GRIK4: variants seen among roughly 807,000 people sequenced by gnomAD.
GRIK4 encodes the protein glutamate ionotropic receptor kainate type subunit 4.
A neutral mutation model predicts 104.9 loss-of-function variants in GRIK4; 40 were observed. The observed-to-expected ratio is 0.38, with a 90% CI of 0.30 to 0.50. The LOEUF is 0.50. Among genes scored for constraint, GRIK4 ranks in the 20% least tolerant of loss-of-function variants. The pLI, the probability that GRIK4 is intolerant of heterozygous loss-of-function variation, is 0.93. For synonymous variants in GRIK4, 485 were observed against 524.9 expected (o/e 0.92, Z 1.04); for missense variants, 1,047 against 1,308.1 (o/e 0.80, Z 3.08).
At chr11:120,843,772 T>C (rs1376441614) in intron 8 of GRIK4, among the ~76,000 whole-genome samples, 1 of 152,192 alleles carries the variant, frequency 6.6e-6, no homozygotes, top group Admixed American at 6.5e-5. Context: ...TTGGACCTGT[T>C]TCATCCTATA....
chr11:120,660,952 C>T (rs1949803700), intron 3 of GRIK4, among the ~76,000 whole-genome samples: 1 of 152,124 alleles, frequency 6.6e-6, no homozygotes, highest in Non-Finnish European at 1.5e-5. Flanking sequence ...CTGTGGGACG[C>T]CCACTTTAGG....
intron 14 of GRIK4, among the ~76,000 whole-genome samples, chr11:120,945,697 A>G (rs1008413326): frequency 1.1e-4 from 16 of 152,264 alleles, no homozygotes; most frequent in African/African-American, 3.4e-4. Context: ...CTTGAGAACA[A>G]ACAGAAGTGG....
chr11:120,872,156 A>G (rs2135672145), intron 9 of GRIK4: 1 of 331,234 alleles, frequency 3.0e-6, no homozygotes, highest in East Asian at 7.7e-5. Flanking sequence ...TGACGCTGGC[A>G]GTTTGCAGAG....
chr11:120,829,420 G>A (rs994611327), intron 6 of GRIK4, among the ~76,000 whole-genome samples: 1 of 152,164 alleles, frequency 6.6e-6, no homozygotes, highest in Admixed American at 6.5e-5. Context: ...AAACGGGGAT[G>A]TGATTTGAAC....
At chr11:120,898,106 A>G (rs1464904732) in intron 11 of GRIK4, among the ~76,000 whole-genome samples, 1 of 152,206 alleles carries the variant, frequency 6.6e-6, no homozygotes, top group East Asian at 1.9e-4. Flanking sequence ...ATCAAAGGGC[A>G]TAGTTCTCTC....
At chr11:120,959,307 C>T (rs1944235930) in intron 16 of GRIK4, among the ~76,000 whole-genome samples, 1 of 152,156 alleles carries the variant, frequency 6.6e-6, no homozygotes, top group South Asian at 2.1e-4. Flanking sequence ...TGTAGACATG[C>T]CCACTGAGTC....
Position 120,821,895 on chromosome 11 carries a change from A to G in GRIK4, c.511+1975A>G, listed in dbSNP as rs563343636. 8.5e-4 allele frequency among the ~76,000 whole-genome samples: 130 copies of G among 152,324 alleles called. 1 individual carries two copies. The highest frequency in any genetic ancestry group is 3.1e-3 in the African/African-American group (127 of 41,572). The stretch of plus-strand genomic sequence containing the variant: ...AAGCAGACTTGATGGAAAACTAAGC[A>G]GGGTCGATGGTCATGAAGCAATTAA... On this transcript the variant is annotated intron_variant, in intron 6 of 20. Coordinates refer to ENST00000527524, the MANE Select transcript of GRIK4 (RefSeq NM_014619.5).
intron 1 of GRIK4, among the ~76,000 whole-genome samples, chr11:120,596,832 C>T (rs576021622): frequency 3.1e-4 from 47 of 152,168 alleles, no homozygotes; most frequent in South Asian, 2.3e-3. Context: ...TCAAGTGATT[C>T]TCCTGCCTCA....
intron 1 of GRIK4, among the ~76,000 whole-genome samples, chr11:120,614,370 G>A (rs1196406149): frequency 6.6e-6 from 1 of 152,242 alleles, no homozygotes; most frequent in Non-Finnish European, 1.5e-5. Flanking sequence ...GGCACAGTGG[G>A]AGAGTATGGC....
In GRIK4 at chr11:120,940,797, T is replaced by C. The variant is rs1299687064; in HGVS notation, c.1590+337T>C. ...GCAGCCCAGATAAGTCACCCTAGCATTTCTCAAGCACGTTGCCAACTTCCA... is the reference window on the plus strand; with the variant it reads ...GCAGCCCAGATAAGTCACCCTAGCACTTCTCAAGCACGTTGCCAACTTCCA... On this transcript the variant is annotated intron_variant, in intron 14 of 20. Transcript: ENST00000527524. This position sits in a 1 kb window ranked among gnomAD's most constrained non-coding sequence, Gnocchi z 4.3. Among the ~76,000 whole-genome samples the C allele has an allele frequency of 6.6e-6, 1 of 152,224 alleles. No homozygotes were observed. The highest frequency in any genetic ancestry group is 1.5e-5 in the Non-Finnish European group (1 of 68,034).
chr11:120,984,679 G>C (rs1260006205), intron 20 of GRIK4, among the ~76,000 whole-genome samples: 1 of 152,018 alleles, frequency 6.6e-6, no homozygotes. Flanking sequence ...TGAGGCAGAA[G>C]AATCGCTTGA....
chr11:120,889,489 C>G (rs1192418410), intron 11 of GRIK4, among the ~76,000 whole-genome samples: 1 of 148,330 alleles, frequency 6.7e-6, no homozygotes, highest in Non-Finnish European at 1.5e-5. Flanking sequence ...TACCCTGAAC[C>G]TGAGAGTAAA....
At chr11:120,916,448 G>A (rs1028342586) in intron 13 of GRIK4, among the ~76,000 whole-genome samples, 4 of 152,316 alleles carry the variant, frequency 2.6e-5, no homozygotes, top group Admixed American at 6.5e-5. Flanking sequence ...AGTAAGACTG[G>A]CAACTCTTTG....
chr11:120,837,712 A>G (rs1019730603), intron 8 of GRIK4, among the ~76,000 whole-genome samples: 3 of 151,754 alleles, frequency 2.0e-5, no homozygotes, highest in Non-Finnish European at 4.4e-5. Flanking sequence ...CACTGCTGCT[A>G]TAAATTAGAG....
intron 1 of GRIK4, among the ~76,000 whole-genome samples, chr11:120,638,234 T>C (rs1448740374): frequency 6.6e-6 from 1 of 152,194 alleles, no homozygotes; most frequent in African/African-American, 2.4e-5. Context: ...CCAGGCACTC[T>C]TCTAAGCTCT....
chr11:120,553,013 A>G (rs1220596203), intron 1 of GRIK4, among the ~76,000 whole-genome samples: 1 of 152,164 alleles, frequency 6.6e-6, no homozygotes, highest in Non-Finnish European at 1.5e-5. Context: ...AAAAGAAAAA[A>G]AAAAAAAAAA....
At chr11:120,911,191 A>T (rs1381224044) in intron 13 of GRIK4, among the ~76,000 whole-genome samples, 4 of 151,902 alleles carry the variant, frequency 2.6e-5, no homozygotes, top group African/African-American at 4.8e-5. Flanking sequence ...AGATGGTGAG[A>T]ACCAAAAGTA....
chr11:120,883,412 C>G (rs1243174178), intron 11 of GRIK4, among the ~76,000 whole-genome samples: 1 of 152,202 alleles, frequency 6.6e-6, no homozygotes, highest in Non-Finnish European at 1.5e-5. Flanking sequence ...TATCTTTCCC[C>G]TTTCCATTCC....
intron 1 of GRIK4, among the ~76,000 whole-genome samples, chr11:120,516,952 T>G (rs1478774569): frequency 7.8e-6 from 1 of 128,480 alleles, no homozygotes; most frequent in Admixed American, 7.3e-5. Context: ...CACTGTCTAG[T>G]CTTGTGCAGG....
Sources: allele counts gnomAD v4.1 joint callset (sites outside exome capture counted in the v4.1 genomes callset), GRCh38; gene constraint gnomAD v4.1.1; non-coding constraint Gnocchi (gnomAD v3.1); transcripts MANE v1.5; gene names NCBI Gene and HGNC (gene_info 2026-07-23, HGNC 2026-07-21).